Variants in HMCN1 observed in about 807,000 individuals in gnomAD.
HMCN1 encodes the protein hemicentin-1.
Under a neutral mutation model 625.9 loss-of-function variants are expected in HMCN1, and 321 were observed. The ratio of observed to expected loss-of-function variants is 0.51; its 90% CI spans 0.47 to 0.56. The LOEUF is 0.56. Among genes scored for constraint, HMCN1 ranks in the 20% least tolerant of loss-of-function variants. The pLI is 0.00. For missense variants in HMCN1, 6,588 were observed against 6,887.3 expected (o/e 0.96, Z 1.54); for synonymous variants, 2,425 against 2,417.6 (o/e 1.00, Z -0.09).
rs182334938 is a variant in HMCN1 at position 186,164,489 on chromosome 1, C to T, written c.15257-622C>T. 3.5e-4 allele frequency among the ~76,000 whole-genome samples: 53 copies of T among 152,120 alleles called. 1 individual carries two copies. In the East Asian group the frequency reaches 9.5e-3, roughly 27 times the overall value. ...CGATCTCCTGACCTTGTGATCCGCC[C>T]GCCTCGGCCTCCCAAAGTGCTGGGA... On this transcript the variant is annotated intron_variant, in intron 97 of 106. Transcript: ENST00000271588.
At chr1:185,746,933 A>G (rs1221573397) in intron 1 of HMCN1, among the ~76,000 whole-genome samples, 1 of 152,080 alleles carries the variant, frequency 6.6e-6, no homozygotes, top group Non-Finnish European at 1.5e-5. Context: ...TGAGGACACC[A>G]GTCATATTGG....
At position 185,965,677 on chromosome 1, in the gene HMCN1, C is replaced by T. The variant is rs770653560; in HGVS notation, c.2099-125C>T. 19 of 713,958 alleles carry T rather than the reference C, an allele frequency of 2.7e-5. 1 individual carries two copies. Among genetic ancestry groups the T allele is most frequent in the South Asian group, 9.0e-5 (6 of 66,994 alleles). 44.2% of individuals were successfully genotyped at this position (713,958 alleles called of 1,614,324 possible). ...GCATGTGCATTACAAGAGTTTCTTTCGGTTTATAAATATTGAAATGGCCAC... is the reference window on the plus strand; with the variant it reads ...GCATGTGCATTACAAGAGTTTCTTTTGGTTTATAAATATTGAAATGGCCAC... On this transcript the variant is annotated intron_variant, in intron 13 of 106. Transcript: ENST00000271588.
intron 91 of HMCN1, 118 bp from the exon 92 acceptor site, chr1:186,145,285 G>A: frequency 3.0e-6 from 3 of 1,009,624 alleles, no homozygotes; most frequent in Non-Finnish European, 4.3e-6. Context: ...AGACTTGCAT[G>A]TTTTGTTTTA....
In HMCN1 at chr1:186,001,616, A is replaced by C. The variant is rs201953947; in HGVS notation, c.4223A>C (p.Gln1408Pro). The C allele has an allele frequency of 2.3e-5, 37 of 1,613,142 alleles. No individual in the cohort carries two copies. Among genetic ancestry groups the C allele is most frequent in the Admixed American group, 1.7e-5 (1 of 59,926 alleles). Residue 1408 changes from glutamine to proline, a missense_variant, in exon 28 of 107, where the codon CAG becomes CCG. Transcript: ENST00000271588. Reference protein sequence around the residue: ...NVQVTESSTIQTVNNGKILKL... With the variant: ...NVQVTESSTIPTVNNGKILKL... ...AAGGTGACTGAAAGCAGCACTATTC[A>C]GACTGTGAACAATGGGAAGATACTG...
intron 20 of HMCN1, among the ~76,000 whole-genome samples, chr1:185,989,157 G>A (rs1315788222): frequency 2.0e-5 from 3 of 151,784 alleles, no homozygotes; most frequent in Admixed American, 6.6e-5. Context: ...ACAGGTGCCT[G>A]CCACCTCGCC....
intron 18 of HMCN1, among the ~76,000 whole-genome samples, chr1:185,983,591 A>C (rs1249622497): frequency 6.6e-6 from 1 of 152,180 alleles, no homozygotes; most frequent in Non-Finnish European, 1.5e-5. Flanking sequence ...TCTTATATGC[A>C]GTGTGGATGG....
chr1:186,082,238 C>A (rs1659209117), intron 56 of HMCN1, among the ~76,000 whole-genome samples: 1 of 152,100 alleles, frequency 6.6e-6, no homozygotes, highest in African/African-American at 2.4e-5. Flanking sequence ...ATAAAACAAA[C>A]CACTCCAAAA....
intron 1 of HMCN1, among the ~76,000 whole-genome samples, chr1:185,785,162 C>A (rs1657475283): frequency 6.6e-6 from 1 of 152,074 alleles, no homozygotes; most frequent in South Asian, 2.1e-4. Flanking sequence ...GTTTTCATTT[C>A]TCTTGGATAA....
chr1:186,012,389 GT>G (rs934561382), intron 30 of HMCN1, among the ~76,000 whole-genome samples: 4 of 150,536 alleles, frequency 2.7e-5, no homozygotes, highest in African/African-American at 4.9e-5. Flanking sequence ...AATCCTTCAG[GT>G]TTTTTTTGGT....
At chr1:186,156,775 A>T (rs1651052195) in intron 97 of HMCN1, among the ~76,000 whole-genome samples, 1 of 152,220 alleles carries the variant, frequency 6.6e-6, no homozygotes, top group Non-Finnish European at 1.5e-5. Flanking sequence ...TGGCACAGCT[A>T]TATAATAATA....
At position 186,062,519 on chromosome 1, in the gene HMCN1, C is replaced by T. The variant is rs1194777755; in HGVS notation, c.7432C>T (p.Pro2478Ser). 1.9e-6 allele frequency: 3 copies of T among 1,602,014 alleles called. No individual in the cohort carries two copies. Among genetic ancestry groups the T allele is most frequent in the Admixed American group, 1.7e-5 (1 of 59,952 alleles). ...KIFGLSVLVPPHIVGENTLED... is the reference protein window; with the variant it reads ...KIFGLSVLVPSHIVGENTLED... ...TTGTTGTTGTTGTTTTTTAGTACCA[C>T]CTCATATTGTGGGTGAAAATACATT... The change falls in exon 48 of 107, where the codon CCT (proline) becomes TCT (serine). Residue 2478 changes from proline to serine, a missense_variant. By Grantham distance (74) the Pro-to-Ser change is moderately conservative. Around this residue, in one of 3 missense-constraint regions of HMCN1, gnomAD observed 4,628 missense variants for 4,853.1 expected, o/e 0.95. Transcript: ENST00000271588.
chr1:185,925,326 G>A, intron 9 of HMCN1, 135 bp downstream of exon 9: 1 of 832,458 alleles, frequency 1.2e-6, no homozygotes, highest in South Asian at 1.5e-5. Context: ...GAACAAAATG[G>A]ACACAAATCT....
At position 186,095,342 on chromosome 1, in the gene HMCN1, C is replaced by A. The variant is rs779765539; in HGVS notation, c.10394C>A (p.Pro3465His). ...MACITDGTPA[P>H]SMAWLRDGQP... ...TGCATTACTGATGGAACCCCAGCTC[C>A]CAGTATGGCCTGGCTTAGAGATGGC... The change falls in exon 68 of 107, where the codon CCC (proline) becomes CAC (histidine). Residue 3465 changes from proline (P) to histidine (H), a missense_variant. Physicochemically the swap from Pro to His is moderately conservative, Grantham distance 77. Around this residue, in one of 3 missense-constraint regions of HMCN1, gnomAD observed 4,628 missense variants for 4,853.1 expected, o/e 0.95. Transcript: ENST00000271588. 6 of 1,613,704 alleles carry A rather than the reference C, an allele frequency of 3.7e-6. No individual in the cohort carries two copies. In the South Asian group the frequency reaches 6.6e-5, roughly 18 times the overall value.
At chr1:185,792,712 A>C (rs1658088172) in intron 1 of HMCN1, among the ~76,000 whole-genome samples, 1 of 152,208 alleles carries the variant, frequency 6.6e-6, no homozygotes, top group African/African-American at 2.4e-5. Flanking sequence ...GTTTCCAGTT[A>C]GCTCACAATC....
Position 186,076,594 on chromosome 1 carries a change from C to A in HMCN1, c.8457C>A (p.Thr2819=), listed in dbSNP as rs756953626. The A allele has an allele frequency of 6.2e-7, 1 of 1,613,700 alleles. No homozygotes were observed. The highest frequency in any genetic ancestry group is 1.7e-5 in the Admixed American group (1 of 59,974). ...LTWYKDGHPL[T]SSDKVLILPG... is the part of the protein sequence containing the mutation. ...GGTACAAAGATGGCCACCCTCTGAC[C>A]TCAAGTGATAAAGTATTGATTTTGC... Residue 2819 remains threonine, a synonymous_variant, in exon 54 of 107, where the codon ACC becomes ACA. Coordinates refer to ENST00000271588, the MANE Select transcript of HMCN1 (RefSeq NM_031935.3).
At chr1:186,056,908 T>C (rs925544468) in intron 45 of HMCN1, among the ~76,000 whole-genome samples, 5 of 151,230 alleles carry the variant, frequency 3.3e-5, no homozygotes, top group African/African-American at 1.2e-4. Flanking sequence ...AAAGTTGAAA[T>C]TGCAATTAAA....
intron 97 of HMCN1, among the ~76,000 whole-genome samples, chr1:186,158,052 C>T (rs1558267324): frequency 6.7e-6 from 1 of 148,864 alleles, no homozygotes; most frequent in Non-Finnish European, 1.5e-5. Context: ...TTTACAGTCC[C>T]ACCAACAGTG....
Position 186,007,232 on chromosome 1 carries a change from T to C in HMCN1, c.4580T>C (p.Val1527Ala), listed in dbSNP as rs148091763. Reference sequence around the variant, plus strand: ...GACAAGGGGCGCTACCAATGTACTGTGTCTAATGCAGCTGGCAAACAAGCC... The same window carrying C: ...GACAAGGGGCGCTACCAATGTACTGCGTCTAATGCAGCTGGCAAACAAGCC... Reference protein sequence around the residue: ...RNDKGRYQCTVSNAAGKQAKD... With the variant: ...RNDKGRYQCTASNAAGKQAKD... Residue 1527 changes from valine to alanine, a missense_variant, in exon 30 of 107, where the codon GTG (valine) becomes GCG (alanine). Physicochemically the swap from Val to Ala is moderately conservative, Grantham distance 64 (BLOSUM62 0). Around this residue, in one of 3 missense-constraint regions of HMCN1, gnomAD observed 4,628 missense variants for 4,853.1 expected, o/e 0.95. Coordinates refer to ENST00000271588, the MANE Select transcript of HMCN1 (RefSeq NM_031935.3). 6.2e-6 allele frequency: 10 copies of C among 1,613,766 alleles called. No homozygotes were observed. The Middle Eastern group carries it at 5.0e-4, about 80-fold the overall frequency.
chr1:186,095,621 AT>A (rs1660100312), intron 68 of HMCN1, 100 bp downstream of exon 68: 4 of 1,307,900 alleles, frequency 3.1e-6, no homozygotes, highest in Non-Finnish European at 4.2e-6. Context: ...CTGTGAGAGA[AT>A]TTTTTAAAAA....
Sources: allele counts gnomAD v4.1 joint callset (sites outside exome capture counted in the v4.1 genomes callset), GRCh38; gene constraint gnomAD v4.1.1; regional missense constraint gnomAD v4.1.1; transcripts MANE v1.5; gene names NCBI Gene and HGNC (gene_info 2026-07-23, HGNC 2026-07-21).